The following SLIT3 variants were observed in gnomAD, a reference collection of about 807,000 sequenced individuals.
SLIT3 encodes slit homolog 3 protein.
SLIT3 carries 68 observed loss-of-function variants against 184.0 expected under a neutral mutation model. The ratio of observed to expected loss-of-function variants is 0.37; its 90% confidence interval spans 0.30 to 0.45. The LOEUF is 0.45. SLIT3 is among the 20% of genes least tolerant of loss of function. The pLI is 1.00. For synonymous variants in SLIT3, 831 were observed against 828.6 expected, an observed-to-expected ratio of 1.00 and a Z score of -0.05; for missense variants, 1,707 against 2,026.0, an observed-to-expected ratio of 0.84 and a Z score of 3.02.
chr5:169,161,174 C>A (rs142061008), intron 4 of SLIT3, among the ~76,000 whole-genome samples: 11 of 152,306 alleles, frequency 7.2e-5, no homozygotes, highest in Non-Finnish European at 1.5e-4. Context: ...ATATGGCATA[C>A]CATTTGGCAT....
rs34335250 is a variant in SLIT3 at position 168,775,038 on chromosome 5, A to ATTT, written c.1152-663_1152-661dup. Among the ~76,000 whole-genome samples, 351 of 135,572 alleles carry ATTT rather than the reference A, an allele frequency of 2.6e-3. 4 individuals are homozygous for ATTT. The highest frequency in any genetic ancestry group is 5.1e-3 in the African/African-American group (185 of 36,416). The allele number at this position is 135,572 out of a possible 152,430, so 88.9% of individuals were successfully genotyped here. A position where few individuals can be genotyped will look rare whatever the true frequency, so the allele number is the denominator to read the frequency against. ...CACTACCCTTGAGTCCCACCACTGC[A>ATTT]TTTTTTTTTTTTTTTTGAGATGGAG... is the stretch of plus-strand genomic sequence containing the variant. On this transcript the variant is annotated intron_variant, in intron 12 of 35. Transcript: ENST00000519560.
chr5:169,041,106 T>G (rs2113023355), intron 4 of SLIT3, among the ~76,000 whole-genome samples: 1 of 152,348 alleles, frequency 6.6e-6, no homozygotes, highest in Non-Finnish European at 1.5e-5. Flanking sequence ...TCTGGTAGGT[T>G]TCAGAAGTAC....
intron 1 of SLIT3, among the ~76,000 whole-genome samples, chr5:169,257,533 C>CTTTTTTTTTTTTTTTT (rs1157258489): frequency 1.2e-5 from 1 of 80,908 alleles, no homozygotes; most frequent in African/African-American, 5.8e-5. Context: ...TCTATGCCTC[C>CTTTTTTTTTTTTTTTT]TTTTTTTTTT....
chr5:169,255,434 T>C (rs1380188973), intron 1 of SLIT3, among the ~76,000 whole-genome samples: 1 of 151,950 alleles, frequency 6.6e-6, no homozygotes, highest in Non-Finnish European at 1.5e-5. Flanking sequence ...CTAATGTGCG[T>C]GCTTGTGTCT....
At chr5:168,707,919 CAGGG>C in intron 26 of SLIT3, 53 bp downstream of exon 26, 1 of 1,608,172 alleles carries the variant, frequency 6.2e-7, no homozygotes, top group South Asian at 1.1e-5. Flanking sequence ...TCTCTAGGGC[CAGGG>C]CTGAAGGAGG....
At chr5:168,837,362 TAAATAA>T (rs1239648230) in intron 6 of SLIT3, among the ~76,000 whole-genome samples, 3 of 152,170 alleles carry the variant, frequency 2.0e-5, no homozygotes, top group East Asian at 3.8e-4. Flanking sequence ...ATTTTATAAA[TAAATAA>T]AAATGAGTCT....
intron 7 of SLIT3, among the ~76,000 whole-genome samples, chr5:168,818,492 G>A (rs1285848193): frequency 1.3e-5 from 2 of 152,140 alleles, no homozygotes; most frequent in Non-Finnish European, 2.9e-5. Flanking sequence ...CCATTTCCAC[G>A]TTCCCTACAA....
chr5:169,115,848 C>A (rs1326845037), intron 4 of SLIT3, among the ~76,000 whole-genome samples: 1 of 152,142 alleles, frequency 6.6e-6, no homozygotes, highest in Non-Finnish European at 1.5e-5. Context: ...ACACTTGAGC[C>A]GGTGCTCCTG....
At chr5:168,938,745 C>G (rs1762241270) in intron 4 of SLIT3, among the ~76,000 whole-genome samples, 1 of 152,166 alleles carries the variant, frequency 6.6e-6, no homozygotes, top group Non-Finnish European at 1.5e-5. Context: ...ATTCTCCCGC[C>G]TCAGCCTCCC....
chr5:168,809,449 G>A (rs1168630328), intron 8 of SLIT3, among the ~76,000 whole-genome samples: 7 of 152,304 alleles, frequency 4.6e-5, no homozygotes, highest in Admixed American at 3.3e-4. Flanking sequence ...TGGTGAGGAC[G>A]TTACCTTCCT....
At chr5:168,894,942 T>G (rs918922404) in intron 4 of SLIT3, among the ~76,000 whole-genome samples, 1 of 151,910 alleles carries the variant, frequency 6.6e-6, no homozygotes, top group Non-Finnish European at 1.5e-5. Flanking sequence ...GAGGAAGTTC[T>G]GATGATCTTT....
intron 19 of SLIT3, 69 bp downstream of exon 19, chr5:168,749,403 G>T: frequency 6.4e-7 from 1 of 1,559,908 alleles, no homozygotes; most frequent in Non-Finnish European, 8.8e-7. Context: ...GTATCTGATT[G>T]TGCATCTTCG....
chr5:169,013,011 C>T (rs1374514293), intron 4 of SLIT3: 3 of 152,274 alleles, frequency 2.0e-5, no homozygotes, highest in Non-Finnish European at 4.4e-5. Flanking sequence ...AATCCAGTGT[C>T]TAGCACATAG....
intron 4 of SLIT3, among the ~76,000 whole-genome samples, chr5:169,066,044 C>A (rs1758339820): frequency 1.3e-5 from 2 of 152,186 alleles, no homozygotes; most frequent in African/African-American, 4.8e-5. Flanking sequence ...GTGCGGTAAC[C>A]TGGCCCAAGC....
At chr5:169,293,090 C>T (rs1005187375) in intron 1 of SLIT3, among the ~76,000 whole-genome samples, 9 of 152,210 alleles carry the variant, frequency 5.9e-5, no homozygotes, top group Non-Finnish European at 1.3e-4. Context: ...TATGCCCAAA[C>T]TGTACCACAT....
intron 1 of SLIT3, among the ~76,000 whole-genome samples, chr5:169,266,313 G>A (rs938536121): frequency 2.6e-5 from 4 of 152,182 alleles, no homozygotes; most frequent in Non-Finnish European, 4.4e-5. Context: ...ATAGTGCTCT[G>A]TGTTCACCAA....
chr5:169,102,079 T>C (rs1270566863), intron 4 of SLIT3, among the ~76,000 whole-genome samples: 1 of 152,192 alleles, frequency 6.6e-6, no homozygotes, highest in African/African-American at 2.4e-5. Context: ...ACCTAACCAA[T>C]GAATATTCAC....
chr5:169,276,733 G>C (rs1365078434), intron 1 of SLIT3, among the ~76,000 whole-genome samples: 1 of 152,190 alleles, frequency 6.6e-6, no homozygotes, highest in Non-Finnish European at 1.5e-5. Flanking sequence ...GAATGATTAT[G>C]TTCCCAGTAA....
intron 4 of SLIT3, among the ~76,000 whole-genome samples, chr5:168,973,330 CT>C (rs1446984829): frequency 3.9e-5 from 6 of 152,274 alleles, no homozygotes; most frequent in African/African-American, 1.2e-4. Context: ...TCACTGCAAC[CT>C]CTGCCTCCCG....
Sources: gnomAD v4.1 joint callset for allele counts (sites outside exome capture counted in the v4.1 genomes callset) on GRCh38, gnomAD v4.1.1 for gene constraint, MANE v1.5 for transcripts, NCBI Gene and HGNC (gene_info 2026-07-23, HGNC 2026-07-21) for gene names.